Variants in DCC observed in about 807,000 individuals in gnomAD.
The protein encoded by DCC is DCC netrin 1 receptor.
A neutral mutation model predicts 172.5 loss-of-function variants in DCC; 58 were observed. That is an observed-to-expected ratio of 0.34 (90% CI 0.27 to 0.42). The LOEUF (loss-of-function observed/expected upper bound fraction) is 0.42, where lower values mean the gene tolerates loss of function less well. Among genes scored for constraint, DCC ranks in the 10% least tolerant of loss-of-function variants. DCC has a pLI of 1.00. For missense variants in DCC, 1,740 were observed against 1,791.0 expected, an observed-to-expected ratio of 0.97 and a Z score of 0.51; for synonymous variants, 709 against 644.5, an observed-to-expected ratio of 1.10 and a Z score of -1.52.
intron 2 of DCC, among the ~76,000 whole-genome samples, chr18:52,838,985 A>G (rs2038759411): frequency 6.6e-6 from 1 of 152,192 alleles, no homozygotes; most frequent in Non-Finnish European, 1.5e-5. Context: ...TGTTATTTTT[A>G]TTTAGTAGAA....
At chr18:52,734,563 T>A (rs137959372) in intron 1 of DCC, among the ~76,000 whole-genome samples, 14 of 152,194 alleles carry the variant, frequency 9.2e-5, no homozygotes, top group African/African-American at 3.4e-4. Context: ...ATGAATGCCT[T>A]TAATCTGCAG....
chr18:53,274,134 T>G (rs867484350), intron 12 of DCC, among the ~76,000 whole-genome samples: 1 of 152,128 alleles, frequency 6.6e-6, no homozygotes, highest in Non-Finnish European at 1.5e-5. Flanking sequence ...TATCACAAAT[T>G]TATTTACTTT....
chr18:52,564,969 C>T (rs565218118), intron 1 of DCC, among the ~76,000 whole-genome samples: 2 of 151,962 alleles, frequency 1.3e-5, no homozygotes, highest in South Asian at 2.1e-4. Flanking sequence ...ACACTGCTTG[C>T]GAAAGGGAAG....
intron 21 of DCC, among the ~76,000 whole-genome samples, chr18:53,423,404 A>C (rs1343399839): frequency 6.6e-6 from 1 of 152,134 alleles, no homozygotes; most frequent in Non-Finnish European, 1.5e-5. Context: ...CTTTGACATC[A>C]AGAACCTTGG....
intron 1 of DCC, among the ~76,000 whole-genome samples, chr18:52,700,527 G>T (rs1343649460): frequency 6.6e-6 from 1 of 152,138 alleles, no homozygotes; most frequent in Non-Finnish European, 1.5e-5. Flanking sequence ...CCCCCCACAG[G>T]CTCCTTTTCA....
At chr18:52,937,404 T>A (rs1048397474) in intron 5 of DCC, among the ~76,000 whole-genome samples, 2 of 152,194 alleles carry the variant, frequency 1.3e-5, no homozygotes, top group South Asian at 2.1e-4. Flanking sequence ...TTCCCTTCCA[T>A]GTAAATGGAG....
rs1305769799 is a variant in DCC at position 53,404,358 on chromosome 18, A to G, written c.2935+1465A>G. Reference sequence around the variant, plus strand: ...CTTATCAGTCAGTGTAAACAATAGAATAAGTTTTTAACTCTGGAAGAAAGC... The same window carrying G: ...CTTATCAGTCAGTGTAAACAATAGAGTAAGTTTTTAACTCTGGAAGAAAGC... On this transcript the variant is annotated intron_variant, in intron 19 of 28. Transcript: ENST00000442544. 6.5e-5 allele frequency among the ~76,000 whole-genome samples: 8 copies of G among 122,258 alleles called. No individual in the cohort carries two copies. The South Asian group carries it at 2.2e-3, about 33-fold the overall frequency. 80.2% of individuals were successfully genotyped at this position (122,258 alleles called of 152,430 possible). A position where few individuals can be genotyped will look rare whatever the true frequency, so the allele number is the denominator to read the frequency against.
chr18:52,563,094 T>C (rs539148367), intron 1 of DCC, among the ~76,000 whole-genome samples: 2 of 152,256 alleles, frequency 1.3e-5, no homozygotes, highest in South Asian at 4.1e-4. Flanking sequence ...CTCCGTTAGG[T>C]AGAAGTGGCA....
Position 53,305,624 on chromosome 18 carries a change from G to A in DCC, c.1958G>A (p.Gly653Glu). 6.2e-7 allele frequency: 1 copy of A among 1,613,612 alleles called. No individual in the cohort carries two copies. Among genetic ancestry groups the A allele is most frequent in the Non-Finnish European group, 8.5e-7 (1 of 1,179,558 alleles). ...WLPPPSGTQN[G>E]FITGYKIRHR... is the part of the protein sequence containing the mutation. ...CCTCCTCCATCAGGAACACAAAATG[G>A]ATTTATTACCGGCTATAAAATTCGA... Residue 653 changes from glycine (G) to glutamate (E), a missense_variant, in exon 13 of 29, where the codon GGA becomes GAA. By Grantham distance (98) the Gly-to-Glu change is moderately conservative. Transcript: ENST00000442544.
At chr18:52,559,143 G>T (rs542445489) in intron 1 of DCC, among the ~76,000 whole-genome samples, 9 of 152,008 alleles carry the variant, frequency 5.9e-5, no homozygotes, top group Non-Finnish European at 1.3e-4. Context: ...ACTGAGTCTC[G>T]CTCTGTCACC....
chr18:52,509,102 A>G (rs1379509499), intron 1 of DCC, among the ~76,000 whole-genome samples: 1 of 152,222 alleles, frequency 6.6e-6, no homozygotes, highest in Non-Finnish European at 1.5e-5. Context: ...TATTTTTTCA[A>G]CTGTAAATTT....
intron 5 of DCC, among the ~76,000 whole-genome samples, chr18:53,021,034 A>AGAGG (rs1568249606): frequency 6.6e-6 from 1 of 152,192 alleles, no homozygotes; most frequent in African/African-American, 2.4e-5. Context: ...CAGGGAGCAG[A>AGAGG]GAGGAAAATA....
At chr18:52,962,601 C>G (rs1421565326) in intron 5 of DCC, among the ~76,000 whole-genome samples, 1 of 151,936 alleles carries the variant, frequency 6.6e-6, no homozygotes. Flanking sequence ...CATCCCATTA[C>G]TGGGTATATA....
At chr18:53,438,948 T>C (rs947971268) in intron 22 of DCC, among the ~76,000 whole-genome samples, 103 of 152,350 alleles carry the variant, frequency 6.8e-4, no homozygotes, top group African/African-American at 2.3e-3. Context: ...GTTATTGACA[T>C]TACTTCTTCC....
chr18:53,113,225 A>T (rs1010830291), intron 7 of DCC, among the ~76,000 whole-genome samples: 1 of 151,552 alleles, frequency 6.6e-6, no homozygotes, highest in African/African-American at 2.4e-5. Context: ...TTTATATGGG[A>T]TGAAAATTCA....
At chr18:52,485,575 T>A (rs566102976) in intron 1 of DCC, among the ~76,000 whole-genome samples, 1 of 152,190 alleles carries the variant, frequency 6.6e-6, no homozygotes, top group South Asian at 2.1e-4. Flanking sequence ...TTTTATCCAC[T>A]CCCCACCCCA....
chr18:53,429,978 C>T (rs1181369337), intron 21 of DCC, among the ~76,000 whole-genome samples: 1 of 152,096 alleles, frequency 6.6e-6, no homozygotes, highest in Non-Finnish European at 1.5e-5. Flanking sequence ...TGTTTAAAAT[C>T]AGCATTGTTA....
chr18:52,557,441 G>A (rs564055292), intron 1 of DCC, among the ~76,000 whole-genome samples: 13 of 152,246 alleles, frequency 8.5e-5, no homozygotes, highest in South Asian at 2.1e-4. Flanking sequence ...GGGAGCCAGC[G>A]CTGTGAAAAC....
At chr18:52,983,155 A>G (rs73956750) in intron 5 of DCC, among the ~76,000 whole-genome samples, 14,663 of 152,226 alleles carry the variant, frequency 0.096, 821 homozygotes, top group South Asian at 0.15. Context: ...GGAAAGTAAG[A>G]GGTGAAGGGG....
Sources: gnomAD v4.1 joint callset for allele counts (sites outside exome capture counted in the v4.1 genomes callset) on GRCh38, gnomAD v4.1.1 for gene constraint, MANE v1.5 for transcripts, NCBI Gene and HGNC (gene_info 2026-07-23, HGNC 2026-07-21) for gene names.